The following SPDL1 variants were observed in gnomAD, a reference collection of about 807,000 sequenced individuals.
SPDL1 encodes the protein spindle apparatus coiled-coil protein 1, also known as protein Spindly.
SPDL1 carries 85 observed loss-of-function variants against 79.5 expected under a neutral mutation model. That is an observed-to-expected ratio of 1.07 (90% CI 0.90 to 1.28). The LOEUF (loss-of-function observed/expected upper bound fraction) is 1.28. Among genes scored for constraint, SPDL1 ranks in the 50% most tolerant of loss-of-function variants. The probability of loss-of-function intolerance (pLI) is 0.00; values close to 1 mark genes in which losing one functional copy is unlikely to be tolerated. For missense variants in SPDL1, 703 were observed against 697.8 expected (o/e 1.01, Z -0.08); for synonymous variants, 269 against 240.3 (o/e 1.12, Z -1.10).
rs759064907 is a variant in SPDL1 at position 169,591,053 on chromosome 5, T to C, written c.165T>C (p.Tyr55=). Reference sequence around the variant, plus strand: ...GTAATTGAATCTGTTTTCAGAGTTATGAACAAGAAAAATATACCCTTCAAA... The same window carrying C: ...GTAATTGAATCTGTTTTCAGAGTTACGAACAAGAAAAATATACCCTTCAAA... ...RNEMMTMTES[Y]EQEKYTLQRE... Residue 55 remains tyrosine (Y), a synonymous_variant, in exon 3 of 12, where the codon TAT becomes TAC. Transcript: ENST00000265295. 6.8e-6 allele frequency: 11 copies of C among 1,611,668 alleles called. No homozygotes were observed. The highest frequency in any genetic ancestry group is 3.3e-5 in the South Asian group (3 of 90,666).
chr5:169,586,774 C>T (rs1405762566), intron 1 of SPDL1, among the ~76,000 whole-genome samples: 1 of 152,186 alleles, frequency 6.6e-6, no homozygotes. Flanking sequence ...ATGCTGCCAC[C>T]CTAGTCTGAG....
chr5:169,603,947 A>G, intron 11 of SPDL1, 113 bp from the exon 12 acceptor site: 1 of 1,185,972 alleles, frequency 8.4e-7, no homozygotes, highest in Non-Finnish European at 1.2e-6. Flanking sequence ...AGTCAACTAT[A>G]TTTTTTTTCC....
intron 7 of SPDL1, chr5:169,595,609 G>A (rs1343418611): frequency 6.6e-6 from 1 of 152,184 alleles, no homozygotes; most frequent in African/African-American, 2.4e-5. Context: ...TTATTTCTAA[G>A]GGTTTCCAGA....
chr5:169,603,518 T>C (rs1756037938), intron 11 of SPDL1, among the ~76,000 whole-genome samples: 1 of 152,184 alleles, frequency 6.6e-6, no homozygotes, highest in Non-Finnish European at 1.5e-5. Flanking sequence ...ATATTTTCTT[T>C]AATTTAGGGC....
rs766835009 is a variant in SPDL1, at chr5:169,591,185, C to G, written c.297C>G (p.Ser99Arg). ...TGGAGAAATTGGAAGAACAACTAAG[C>G]AGAAGCCATGGACAGGAAGTGAATG... is the stretch of plus-strand genomic sequence containing the variant. ...MHLEKLEEQL[S>R]RSHGQEVNEL... is the part of the protein sequence containing the mutation. The change falls in exon 3 of 12, where the codon AGC becomes AGG. Residue 99 changes from serine (S) to arginine (R), a missense_variant. Coordinates refer to ENST00000265295, the MANE Select transcript of SPDL1 (RefSeq NM_017785.5). 2 of 1,613,972 alleles carry G rather than the reference C, an allele frequency of 1.2e-6. No individual in the cohort carries two copies. Among genetic ancestry groups the G allele is most frequent in the Non-Finnish European group, 1.7e-6 (2 of 1,179,960 alleles).
chr5:169,584,211 G>A (rs1019630109), intron 1 of SPDL1: 2 of 152,226 alleles, frequency 1.3e-5, no homozygotes, highest in Non-Finnish European at 2.9e-5. Flanking sequence ...GCAGATGGGA[G>A]ATACATATTG....
chr5:169,594,025 A>G (rs1443393656), intron 4 of SPDL1, 120 bp from the exon 5 acceptor site: 4 of 758,556 alleles, frequency 5.3e-6, no homozygotes, highest in Non-Finnish European at 8.3e-6. Context: ...GTACCTGACA[A>G]CTTTTGACTG....
intron 8 of SPDL1, among the ~76,000 whole-genome samples, chr5:169,597,210 A>T (rs1714008588): frequency 6.7e-6 from 1 of 148,756 alleles, no homozygotes; most frequent in Non-Finnish European, 1.5e-5. Context: ...ATTTTAGTTG[A>T]GAATGGTATT....
chr5:169,601,666 C>G (rs753612873), intron 11 of SPDL1, 41 bp downstream of exon 11: 35 of 1,520,218 alleles, frequency 2.3e-5, no homozygotes, highest in Middle Eastern at 3.4e-4. Flanking sequence ...GCAGACCTCT[C>G]CATCTCTCCT....
chr5:169,602,193 T>C (rs368378247), intron 11 of SPDL1, among the ~76,000 whole-genome samples: 93 of 152,288 alleles, frequency 6.1e-4, no homozygotes, highest in South Asian at 3.5e-3. Flanking sequence ...CTAAAAGAAA[T>C]AGCGTCAGAT....
intron 10 of SPDL1, 81 bp from the exon 11 acceptor site, chr5:169,601,199 A>AT: frequency 8.0e-7 from 1 of 1,252,794 alleles, no homozygotes; most frequent in Non-Finnish European, 1.1e-6. Flanking sequence ...AGGTATACAT[A>AT]TAACTAGTTC....
At position 169,594,161 on chromosome 5, in the gene SPDL1, A is replaced by C. The variant is rs144060585; in HGVS notation, c.548A>C (p.Glu183Ala). 315 of 1,604,632 alleles carry C rather than the reference A, an allele frequency of 2.0e-4. No homozygotes were observed. The highest frequency in any genetic ancestry group is 2.5e-4 in the Non-Finnish European group (294 of 1,177,642). Residue 183 changes from glutamate to alanine, a missense_variant, in exon 5 of 12, where the codon GAA becomes GCA. By Grantham distance (107) the Glu-to-Ala change is moderately radical. Coordinates refer to ENST00000265295, the MANE Select transcript of SPDL1 (RefSeq NM_017785.5). ...GTTAAATAGACCACCCTCAAAGAAG[A>C]AGTGAATGAACTACAATACAGACAA... ...MESMKTTLKE[E>A]VNELQYRQEQ...
Position 169,594,249 on chromosome 5 carries a change from AGAG to A in SPDL1, c.640_642del (p.Glu214del), listed in dbSNP as rs1473418140. The A allele has an allele frequency of 1.2e-6, 2 of 1,614,098 alleles. No homozygotes were observed. The highest frequency in any genetic ancestry group is 1.7e-6 in the Non-Finnish European group (2 of 1,179,946). On this transcript the variant is annotated inframe_deletion, in exon 5 of 12. Coordinates refer to ENST00000265295, the MANE Select transcript of SPDL1 (RefSeq NM_017785.5). ...AGGTAGACCGGCTTAAAGAGGAAAA[AGAG>A]GAGCGAGAGAAAGAAGCAGTTTCTT...
intron 1 of SPDL1, chr5:169,587,360 T>C (rs1326994290): frequency 6.6e-6 from 1 of 152,196 alleles, no homozygotes; most frequent in Non-Finnish European, 1.5e-5. Flanking sequence ...CCTGGTGCCC[T>C]TTGAAGGCAA....
intron 7 of SPDL1, 124 bp downstream of exon 7, chr5:169,594,805 G>T: frequency 1.8e-6 from 1 of 554,238 alleles, no homozygotes; most frequent in Non-Finnish European, 3.2e-6. Flanking sequence ...TTCTAGAACT[G>T]CATGATTTCA....
chr5:169,601,597 A>T lies in SPDL1; in HGVS notation c.1642A>T (p.Arg548Ter), dbSNP rs1755924551. The T allele has an allele frequency of 6.2e-7, 1 of 1,614,094 alleles. No homozygotes were observed. The highest frequency in any genetic ancestry group is 1.3e-5 in the African/African-American group (1 of 74,936). ...CGCTGACGCTGAGGCCTTAAGTGAA[A>T]GAAGTGGAAACACCCCTAACTCTCC... ...VPADAEALSE[R>*]SGNTPNSPRL... is the part of the protein sequence containing the mutation. The change falls in exon 11 of 12, where the codon AGA becomes TGA. Residue 548 changes from arginine to a stop codon, truncating the protein, a stop_gained. Transcript: ENST00000265295. LOFTEE classifies it high-confidence loss of function.
At chr5:169,584,776 A>G (rs183108293) in intron 1 of SPDL1, among the ~76,000 whole-genome samples, 15 of 152,322 alleles carry the variant, frequency 9.8e-5, no homozygotes, top group South Asian at 2.1e-4. Flanking sequence ...AAAACTTTCT[A>G]TGCCTCAGCT....
At position 169,590,933 on chromosome 5, in the gene SPDL1, T is replaced by C. The variant is rs1755243430; in HGVS notation, c.160-115T>C. The C allele has an allele frequency of 3.2e-6, 3 of 934,320 alleles. 1 individual carries two copies. In the Admixed American group the frequency reaches 6.3e-5, roughly 20 times the overall value. 57.9% of individuals were successfully genotyped at this position (934,320 alleles called of 1,614,324 possible). A position where few individuals can be genotyped will look rare whatever the true frequency, so the allele number is the denominator to read the frequency against. On this transcript the variant is annotated intron_variant, in intron 2 of 11. Transcript: ENST00000265295. ...CCAGGTTTAACATGTCTTCGTTATT[T>C]GGAAAGCAGCAAATGCTTGAAATAA...
Position 169,593,417 on chromosome 5 carries a change from G to A in SPDL1, c.400G>A (p.Val134Ile). Residue 134 changes from valine (V) to isoleucine (I), a missense_variant, in exon 4 of 12, where the codon GTA becomes ATA. Physicochemically the swap from Val to Ile is conservative, Grantham distance 29. Coordinates refer to ENST00000265295, the MANE Select transcript of SPDL1 (RefSeq NM_017785.5). ...RLSEKQLKHQ[V>I]DHQKELLSCK... ...TAGTGAAAAGCAGCTGAAGCACCAAGTAGATCATCAGAAGGAACTCCTCTC... is the reference window on the plus strand; with the variant it reads ...TAGTGAAAAGCAGCTGAAGCACCAAATAGATCATCAGAAGGAACTCCTCTC... 1 of 1,613,954 alleles carries A rather than the reference G, an allele frequency of 6.2e-7. No homozygotes were observed. Among genetic ancestry groups the A allele is most frequent in the Non-Finnish European group, 8.5e-7 (1 of 1,179,966 alleles).
Sources: allele counts gnomAD v4.1 joint callset (sites outside exome capture counted in the v4.1 genomes callset), GRCh38; gene constraint gnomAD v4.1.1; transcripts MANE v1.5; gene names NCBI Gene and HGNC (gene_info 2026-07-23, HGNC 2026-07-21).